The following AMDHD2 variants were observed in gnomAD, a reference collection of about 807,000 sequenced individuals.
AMDHD2 encodes the protein amidohydrolase domain containing 2.
Under a neutral mutation model 41.8 loss-of-function variants are expected in AMDHD2, and 24 were observed. The ratio of observed to expected loss-of-function variants is 0.57; its 90% CI spans 0.42 to 0.81. The LOEUF is 0.81. Among genes scored for constraint, AMDHD2 ranks in the 30% least tolerant of loss-of-function variants. AMDHD2 has a pLI of 0.00. For synonymous variants in AMDHD2, 332 were observed against 255.5 expected (o/e 1.30, Z -2.85); for missense variants, 540 against 588.5 (o/e 0.92, Z 0.85).
In AMDHD2 at chr16:2,527,987, TG is replaced by T. The variant is rs1349351448; in HGVS notation, c.628+3del. 2 of 1,606,272 alleles carry T rather than the reference TG, an allele frequency of 1.2e-6. No homozygotes were observed. Among genetic ancestry groups the T allele is most frequent in the East Asian group, 2.2e-5 (1 of 44,804 alleles). On this transcript the variant is annotated splice_donor_region_variant and intron_variant, in intron 5 of 10. Transcript: ENST00000293971. The surrounding 1 kb of genome is among the most constrained non-coding windows in gnomAD (Gnocchi z 6.1). ...CCCGTGGCATCTGCGTGTCCCTAGGTGAGGGGCCGGCTCGGGGTGGGCCTGC... is the reference window on the plus strand; with the variant it reads ...CCCGTGGCATCTGCGTGTCCCTAGGTAGGGGCCGGCTCGGGGTGGGCCTGC...
chr16:2,530,101 G>C lies in AMDHD2; in HGVS notation c.*538G>C. 1 of 1,172,284 alleles carries C rather than the reference G, an allele frequency of 8.5e-7. No homozygotes were observed. Among genetic ancestry groups the C allele is most frequent in the Non-Finnish European group, 1.2e-6 (1 of 860,404 alleles). The allele number at this position is 1,172,284 out of a possible 1,614,324, so 72.6% of individuals were successfully genotyped here. On this transcript the variant is annotated 3_prime_UTR_variant, in exon 11 of 11. Coordinates refer to ENST00000293971, the MANE Select transcript of AMDHD2 (RefSeq NM_001330449.2). The stretch of plus-strand genomic sequence containing the variant: ...GAGCCCACAGCCTGGTTCTGGGCCA[G>C]GGCACAGTGCCAGGGGCTCCGCTCT...
At position 2,527,476 on chromosome 16, in the gene AMDHD2, G is replaced by T; in HGVS notation, c.361-85G>T. 1 of 1,482,148 alleles carries T rather than the reference G, an allele frequency of 6.7e-7. No individual in the cohort carries two copies. The allele number at this position is 1,482,148 out of a possible 1,614,324, so 91.8% of individuals were successfully genotyped here. A position where few individuals can be genotyped will look rare whatever the true frequency, so the allele number is the denominator to read the frequency against. On this transcript the variant is annotated intron_variant, in intron 3 of 10. Transcript: ENST00000293971. This position sits in a 1 kb window ranked among gnomAD's most constrained non-coding sequence, Gnocchi z 6.1. ...GGCTGGGTGCTGGGCTCTGAACTCT[G>T]ACCTGAGATCTCTGGCCTTGGCTAG...
Position 2,530,988 on chromosome 16 carries a change from A to G in AMDHD2, c.*1425A>G. ...CTTGCCAGGGCTCCCAGGCAGGGAGAGGCAGGTGAGGTTCTCAGCCGATGT... is the reference window on the plus strand; with the variant it reads ...CTTGCCAGGGCTCCCAGGCAGGGAGGGGCAGGTGAGGTTCTCAGCCGATGT... On this transcript the variant is annotated 3_prime_UTR_variant, in exon 11 of 11. Transcript: ENST00000293971. 6.2e-7 allele frequency: 1 copy of G among 1,613,074 alleles called. No homozygotes were observed. Among genetic ancestry groups the G allele is most frequent in the South Asian group, 1.1e-5 (1 of 91,064 alleles).
chr16:2,521,909 C>G (rs1193401770), intron 3 of AMDHD2, among the ~76,000 whole-genome samples: 1 of 151,846 alleles, frequency 6.6e-6, no homozygotes, highest in Non-Finnish European at 1.5e-5. Context: ...TTCAGCCTCC[C>G]AAGTAGCTGG....
In AMDHD2 at chr16:2,528,340, C is replaced by T; in HGVS notation, c.822C>T (p.Asn274=). ...TGATTGCAGATGGCACGCACACCAA[C>T]CCCGCCGCCCTGCGGATCGCCCACC... ...YGMIADGTHT[N]PAALRIAHRA... Residue 274 remains asparagine (N), a synonymous_variant, in exon 7 of 11, where the codon AAC becomes AAT. Coordinates refer to ENST00000293971, the MANE Select transcript of AMDHD2 (RefSeq NM_001330449.2). 6.2e-7 allele frequency: 1 copy of T among 1,612,888 alleles called. No homozygotes were observed. Among genetic ancestry groups the T allele is most frequent in the Non-Finnish European group, 8.5e-7 (1 of 1,179,934 alleles).
intron 3 of AMDHD2, chr16:2,526,942 A>T (rs1365914998): frequency 6.6e-6 from 1 of 152,426 alleles, no homozygotes; most frequent in African/African-American, 2.4e-5. Context: ...AAAAAACAAA[A>T]AAAGTGTTAC....
Position 2,531,154 on chromosome 16 carries a change from G to C in AMDHD2, c.*1591G>C, listed in dbSNP as rs1183818558. On this transcript the variant is annotated 3_prime_UTR_variant, in exon 11 of 11. Coordinates refer to ENST00000293971, the MANE Select transcript of AMDHD2 (RefSeq NM_001330449.2). ...CCAGTCCAGAGCTGGTGAGCCCTGG[G>C]CCAGCCTTTGGGCCTGGCCTGCCCC... is the stretch of plus-strand genomic sequence containing the variant. The C allele has an allele frequency of 1.3e-6, 2 of 1,502,300 alleles. No homozygotes were observed. Among genetic ancestry groups the C allele is most frequent in the Non-Finnish European group, 1.8e-6 (2 of 1,119,512 alleles). 93.1% of individuals were successfully genotyped at this position (1,502,300 alleles called of 1,614,324 possible).
chr16:2,526,695 TGGGAGACTAA>T (rs898223909), intron 3 of AMDHD2, among the ~76,000 whole-genome samples: 6 of 151,970 alleles, frequency 3.9e-5, no homozygotes, highest in African/African-American at 1.2e-4. Flanking sequence ...CCCAGCACTT[TGGGAGACTAA>T]GGTGGGTGTT....
intron 3 of AMDHD2, among the ~76,000 whole-genome samples, chr16:2,525,190 G>A (rs1465702346): frequency 2.6e-5 from 4 of 151,694 alleles, no homozygotes; most frequent in Non-Finnish European, 4.4e-5. Context: ...CGGAGTAGCT[G>A]GGATTACAAG....
intron 3 of AMDHD2, among the ~76,000 whole-genome samples, chr16:2,523,974 C>T (rs766241463): frequency 2.6e-5 from 4 of 152,240 alleles, no homozygotes; most frequent in Non-Finnish European, 5.9e-5. Context: ...GCTCTTCTTC[C>T]TTAGGAAGAG....
chr16:2,528,954 T>TG, intron 9 of AMDHD2, 40 bp from the exon 10 acceptor site: 1 of 1,547,426 alleles, frequency 6.5e-7, no homozygotes, highest in Non-Finnish European at 8.7e-7. Context: ...CAAAGCCATG[T>TG]GGGCTTGGGG....
At position 2,529,512 on chromosome 16, in the gene AMDHD2, C is replaced by T. The variant is rs746522127; in HGVS notation, c.1179C>T (p.Ala393=). The T allele has an allele frequency of 6.2e-7, 1 of 1,611,948 alleles. No homozygotes were observed. The highest frequency in any genetic ancestry group is 8.5e-7 in the Non-Finnish European group (1 of 1,179,976). ...TCGACGACTCCCTTCACGTCCAGGCCACCTACATCTCGGGTGAGCTGGTGT... is the reference window on the plus strand; with the variant it reads ...TCGACGACTCCCTTCACGTCCAGGCTACCTACATCTCGGGTGAGCTGGTGT... ...VVLDDSLHVQ[A]TYISGELVWQ... The change falls in exon 11 of 11, where the codon GCC becomes GCT. Residue 393 remains alanine (A), a synonymous_variant. Transcript: ENST00000293971.
Position 2,529,039 on chromosome 16 carries a change from C to G in AMDHD2, c.1085C>G (p.Ala362Gly). ...SALEAASLHP[A>G]QLLGLEKSKG... ...CTGGAGGCTGCATCCCTGCACCCCG[C>G]CCAGTTGCTGGGGCTGGAGAAGAGT... Residue 362 changes from alanine (A) to glycine (G), a missense_variant, in exon 10 of 11, where the codon GCC (alanine) becomes GGC (glycine). Physicochemically the swap from Ala to Gly is moderately conservative, Grantham distance 60. Coordinates refer to ENST00000293971, the MANE Select transcript of AMDHD2 (RefSeq NM_001330449.2). The G allele has an allele frequency of 6.3e-7, 1 of 1,598,972 alleles. No homozygotes were observed. The highest frequency in any genetic ancestry group is 8.5e-7 in the Non-Finnish European group (1 of 1,173,486).
At chr16:2,524,245 T>G (rs1015761666) in intron 3 of AMDHD2, among the ~76,000 whole-genome samples, 2 of 152,258 alleles carry the variant, frequency 1.3e-5, no homozygotes, top group African/African-American at 4.8e-5. Context: ...TTCGGTCTTT[T>G]GTTGTCCTGT....
chr16:2,523,181 T>C (rs1004785246), intron 3 of AMDHD2, among the ~76,000 whole-genome samples: 1 of 152,204 alleles, frequency 6.6e-6, no homozygotes, highest in African/African-American at 2.4e-5. Context: ...TATTTTCTTA[T>C]GGAGCCACAA....
chr16:2,520,802 G>A lies in AMDHD2; in HGVS notation c.117G>A (p.Leu39=), dbSNP rs1396229815. The change falls in exon 2 of 11, where the codon TTG becomes TTA. Residue 39 remains leucine, a synonymous_variant. Coordinates refer to ENST00000293971, the MANE Select transcript of AMDHD2 (RefSeq NM_001330449.2). ...EDLWVRGGRI[L]DPEKLFFEER... is the part of the protein sequence containing the mutation. The stretch of plus-strand genomic sequence containing the variant: ...TGTGGGTGCGCGGAGGCCGCATCTT[G>A]GACCCAGAGAAGCTGTTCTTTGAGG... 10 of 1,609,018 alleles carry A rather than the reference G, an allele frequency of 6.2e-6. No homozygotes were observed. Among genetic ancestry groups the A allele is most frequent in the Non-Finnish European group, 8.5e-6 (10 of 1,178,802 alleles).
chr16:2,522,829 T>G (rs942158476), intron 3 of AMDHD2, among the ~76,000 whole-genome samples: 1 of 151,638 alleles, frequency 6.6e-6, no homozygotes, highest in African/African-American at 2.4e-5. Flanking sequence ...TGCCTGTTTA[T>G]TCCTTAGTAC....
At chr16:2,528,782 AC>A (rs1289169891) in intron 9 of AMDHD2, 64 bp downstream of exon 9, 41 of 1,594,766 alleles carry the variant, frequency 2.6e-5, no homozygotes, top group Non-Finnish European at 3.4e-5. Flanking sequence ...AAGGGGCTGG[AC>A]CGGGTGCCCG....
chr16:2,521,494 C>G (rs2065936732), intron 3 of AMDHD2, among the ~76,000 whole-genome samples: 1 of 152,188 alleles, frequency 6.6e-6, no homozygotes, highest in Non-Finnish European at 1.5e-5. Flanking sequence ...TGGTCAGGCT[C>G]TTCCTCCCTA....
Sources: allele counts gnomAD v4.1 joint callset (sites outside exome capture counted in the v4.1 genomes callset), GRCh38; gene constraint gnomAD v4.1.1; non-coding constraint Gnocchi (gnomAD v3.1); transcripts MANE v1.5; gene names NCBI Gene and HGNC (gene_info 2026-07-23, HGNC 2026-07-21).